The following RBFOX1 variants were observed in gnomAD, a reference collection of about 807,000 sequenced individuals.
The protein encoded by RBFOX1 is RNA binding fox-1 homolog 1, also known as RNA binding protein fox-1 homolog 1.
A neutral mutation model predicts 57.7 loss-of-function variants in RBFOX1; 8 were observed. The ratio of observed to expected loss-of-function variants is 0.14; its 90% CI spans 0.08 to 0.25. The LOEUF (loss-of-function observed/expected upper bound fraction) is 0.25. Ranked by LOEUF, RBFOX1 falls within the 10% of genes least tolerant of loss-of-function variation. RBFOX1 has a pLI of 1.00. For synonymous variants in RBFOX1, 326 were observed against 222.4 expected, an observed-to-expected ratio of 1.47 and a Z score of -4.15; for missense variants, 611 against 548.5, an observed-to-expected ratio of 1.11 and a Z score of -1.14.
chr16:6,380,212 C>A (rs955008964), intron 2 of RBFOX1, among the ~76,000 whole-genome samples: 3 of 152,004 alleles, frequency 2.0e-5, no homozygotes, highest in African/African-American at 7.2e-5. Flanking sequence ...ATTCAGATGA[C>A]TTTTATTGGG....
At chr16:6,532,854 C>A (rs1000071358) in intron 2 of RBFOX1, among the ~76,000 whole-genome samples, 1 of 152,186 alleles carries the variant, frequency 6.6e-6, no homozygotes. Flanking sequence ...CTCAGACTTT[C>A]CATGTGAATT....
intron 2 of RBFOX1, among the ~76,000 whole-genome samples, chr16:6,367,494 A>G (rs896843973): frequency 2.0e-5 from 3 of 151,764 alleles, no homozygotes; most frequent in Admixed American, 6.6e-5. Context: ...CTGGCCCCGA[A>G]CTCCTGACCT....
At chr16:7,051,958 TC>T (rs1204501897) in intron 3 of RBFOX1, 98 bp from the exon 4 acceptor site, 6 of 1,518,006 alleles carry the variant, frequency 4.0e-6, no homozygotes, top group Non-Finnish European at 5.3e-6. Context: ...TTATGGGTTT[TC>T]TTTGAGCTGA....
At chr16:5,298,319 T>G (rs1034971116) in intron 1 of RBFOX1, among the ~76,000 whole-genome samples, 9 of 152,174 alleles carry the variant, frequency 5.9e-5, no homozygotes, top group African/African-American at 1.7e-4. Context: ...AGAGACTGTA[T>G]TTAATTTTGA....
intron 3 of RBFOX1, among the ~76,000 whole-genome samples, chr16:6,803,047 T>C (rs142670320): frequency 1.3e-5 from 2 of 152,200 alleles, no homozygotes; most frequent in African/African-American, 4.8e-5. Context: ...CTCATTTCCA[T>C]TGAACTCAAA....
chr16:6,267,988 C>G (rs1443454259), intron 1 of RBFOX1, among the ~76,000 whole-genome samples: 1 of 152,166 alleles, frequency 6.6e-6, no homozygotes, highest in Non-Finnish European at 1.5e-5. Flanking sequence ...TCTTGAAACA[C>G]AAGGAAGCTA....
At chr16:5,889,040 G>A (rs1007170607) in intron 4 of RBFOX1, among the ~76,000 whole-genome samples, 2 of 152,032 alleles carry the variant, frequency 1.3e-5, no homozygotes, top group Non-Finnish European at 1.5e-5. Context: ...ATCACCACAC[G>A]CTCTTCAATA....
intron 2 of RBFOX1, 59 bp from the exon 3 acceptor site, chr16:6,654,544 G>T: frequency 7.4e-7 from 1 of 1,343,930 alleles, no homozygotes; most frequent in Non-Finnish European, 1.0e-6. Flanking sequence ...AATGTTCTCT[G>T]ACCATAAGTC....
At chr16:6,055,067 C>G (rs2152444470) in intron 1 of RBFOX1, among the ~76,000 whole-genome samples, 1 of 152,230 alleles carries the variant, frequency 6.6e-6, no homozygotes, top group African/African-American at 2.4e-5. Flanking sequence ...GAGGCTGTTC[C>G]TTTGCAGGGG....
intron 3 of RBFOX1, among the ~76,000 whole-genome samples, chr16:6,748,339 C>G (rs2074214451): frequency 6.6e-6 from 1 of 151,744 alleles, no homozygotes; most frequent in African/African-American, 2.4e-5. Flanking sequence ...ACACATATAA[C>G]TATATACATA....
At chr16:5,976,097 C>G (rs1244424143) in intron 4 of RBFOX1, among the ~76,000 whole-genome samples, 2 of 151,896 alleles carry the variant, frequency 1.3e-5, no homozygotes, top group Non-Finnish European at 2.9e-5. Flanking sequence ...TGAGCCAAGA[C>G]TCTCTAGACT....
At chr16:7,003,278 G>C (rs1225385903) in intron 3 of RBFOX1, among the ~76,000 whole-genome samples, 1 of 151,758 alleles carries the variant, frequency 6.6e-6, no homozygotes, top group Non-Finnish European at 1.5e-5. Context: ...GGCCAACATG[G>C]TGAAACCCCC....
chr16:6,804,195 A>G (rs567717838), intron 3 of RBFOX1, among the ~76,000 whole-genome samples: 6 of 152,032 alleles, frequency 3.9e-5, no homozygotes, highest in African/African-American at 1.4e-4. Context: ...TTTTTAGTAG[A>G]GATGGGGTTT....
At chr16:6,827,417 A>G (rs2092292464) in intron 3 of RBFOX1, among the ~76,000 whole-genome samples, 1 of 151,952 alleles carries the variant, frequency 6.6e-6, no homozygotes, top group African/African-American at 2.4e-5. Flanking sequence ...CTTATAGGGA[A>G]GGAAGAGAAG....
intron 1 of RBFOX1, chr16:5,365,715 G>T (rs554418468): frequency 7.6e-6 from 3 of 392,858 alleles, no homozygotes; most frequent in African/African-American, 2.1e-5. Context: ...GTGTGATTCC[G>T]TCCTGCATGG....
chr16:7,283,404 C>A (rs1030202681), intron 4 of RBFOX1, among the ~76,000 whole-genome samples: 2 of 152,024 alleles, frequency 1.3e-5, no homozygotes, highest in Non-Finnish European at 2.9e-5. Flanking sequence ...TGAGTTCCCA[C>A]AGTTGGAAAG....
chr16:7,223,801 G>C (rs1048984775), intron 4 of RBFOX1, among the ~76,000 whole-genome samples: 1 of 141,540 alleles, frequency 7.1e-6, no homozygotes, highest in African/African-American at 2.7e-5. Context: ...GATAGAAATG[G>C]GAGCACTTCC....
chr16:5,888,227 T>A (rs994207922), intron 4 of RBFOX1, among the ~76,000 whole-genome samples: 1 of 152,184 alleles, frequency 6.6e-6, no homozygotes, highest in Admixed American at 6.5e-5. Context: ...TGGTCCCTAA[T>A]TGGCTTTCCA....
At chr16:5,477,967 C>T (rs1024053811) in intron 2 of RBFOX1, among the ~76,000 whole-genome samples, 10 of 152,288 alleles carry the variant, frequency 6.6e-5, no homozygotes, top group South Asian at 2.1e-4. Flanking sequence ...TACGCATCAC[C>T]GTGGCCCACC....
Sources: allele counts gnomAD v4.1 joint callset (sites outside exome capture counted in the v4.1 genomes callset), GRCh38; gene constraint gnomAD v4.1.1; transcripts MANE v1.5; gene names NCBI Gene and HGNC (gene_info 2026-07-23, HGNC 2026-07-21).